The following LMTK3 variants were observed in gnomAD, a reference collection of about 807,000 sequenced individuals.
LMTK3 encodes lemur tail kinase 3, also known as serine/threonine-protein kinase LMTK3.
LMTK3 carries 27 observed loss-of-function variants against 116.7 expected under a neutral mutation model. The observed-to-expected ratio is 0.23, with a 90% CI of 0.17 to 0.32. LMTK3 has a LOEUF of 0.32. Among genes scored for constraint, LMTK3 ranks in the 10% least tolerant of loss-of-function variants. The pLI, the probability that LMTK3 is intolerant of heterozygous loss-of-function variation, is 1.00. For missense variants in LMTK3, 1,764 were observed against 2,068.5 expected (o/e 0.85, Z 2.86); for synonymous variants, 965 against 971.0 (o/e 0.99, Z 0.11).
rs753457988 is a variant in LMTK3, at chr19:48,496,124, G to GTT, written c.3676+1267_3676+1268dup. On this transcript the variant is annotated intron_variant, in intron 11 of 14. Transcript: ENST00000600059. ...TGTTTGTTTTGTTTTGTTTTGTTTT[G>GTT]TTTGAGACAGAGTCTTGCTCTGTCA... Among the ~76,000 whole-genome samples, 61 of 152,126 alleles carry GTT rather than the reference G, an allele frequency of 4.0e-4. 1 individual carries two copies. Among genetic ancestry groups the GTT allele is most frequent in the East Asian group, 2.1e-3 (11 of 5,154 alleles).
intron 7 of LMTK3, among the ~76,000 whole-genome samples, chr19:48,501,879 A>C (rs1601052546): frequency 1.7e-5 from 2 of 115,868 alleles, no homozygotes; most frequent in Non-Finnish European, 3.5e-5. Context: ...TCTCCTCATC[A>C]CGTGACCCTG....
rs760592110 is a variant in LMTK3 at position 48,485,777 on chromosome 19, T to C, written c.4379A>G (p.Asn1460Ser). ...PDARPAGPVE[N>S] ...CGGGGTCGGGTCTTCGGGGAATCAA[T>C]TCTCCACGGGGCCTGAGGATGGACA... The change falls in exon 15 of 15, where the codon AAT becomes AGT. Residue 1460 changes from asparagine to serine, a missense_variant. Physicochemically the swap from Asn to Ser is conservative, Grantham distance 46. Transcript: ENST00000600059. The C allele has an allele frequency of 2.0e-5, 33 of 1,610,500 alleles. No individual in the cohort carries two copies. The Admixed American group carries it at 5.2e-4, about 25-fold the overall frequency.
chr19:48,503,768 C>T (rs1019071836), intron 5 of LMTK3, among the ~76,000 whole-genome samples: 8 of 152,064 alleles, frequency 5.3e-5, no homozygotes, highest in Non-Finnish European at 7.4e-5. Context: ...TGCTTAGGCC[C>T]GGGCCTTTGC....
In LMTK3 at chr19:48,498,531, C is replaced by T. The variant is rs1238519386; in HGVS notation, c.2538G>A (p.Gly846=). 6 of 1,572,456 alleles carry T rather than the reference C, an allele frequency of 3.8e-6. No individual in the cohort carries two copies. The African/African-American group carries it at 6.8e-5, about 18-fold the overall frequency. Residue 846 remains glycine, a synonymous_variant, in exon 11 of 15, where the codon GGG becomes GGA. Transcript: ENST00000600059. ...PPDPGPLPLP[G]PREKPTFVVQ... The stretch of plus-strand genomic sequence containing the variant: ...CCACGAAGGTCGGCTTCTCCCGGGG[C>T]CCCGGGAGTGGGAGCGGACCCGGGT...
Position 48,498,744 on chromosome 19 carries a change from G to A in LMTK3, c.2325C>T (p.Ala775=). 3 of 1,518,108 alleles carry A rather than the reference G, an allele frequency of 2.0e-6. No homozygotes were observed. The highest frequency in any genetic ancestry group is 1.4e-5 in the African/African-American group (1 of 71,278). The allele number at this position is 1,518,108 out of a possible 1,614,324, so 94.0% of individuals were successfully genotyped here. The stretch of plus-strand genomic sequence containing the variant: ...AGAGGCCTGAACCGGGACTGGCCAC[G>A]GCCGAAGGGGGGTCGGGGGACGCGG... ...DPAASPDPPS[A]VASPGSGLSS... Residue 775 remains alanine (A), a synonymous_variant, in exon 11 of 15, where the codon GCC becomes GCT. Coordinates refer to ENST00000600059, the MANE Select transcript of LMTK3 (RefSeq NM_001388485.1).
intron 1 of LMTK3, 89 bp downstream of exon 1, chr19:48,511,412 G>C: frequency 2.0e-6 from 1 of 510,800 alleles, no homozygotes; most frequent in Non-Finnish European, 3.1e-6. Context: ...AGGTGACGGG[G>C]CAGGACCCGC....
chr19:48,504,143 C>T (rs1012256866), intron 5 of LMTK3, among the ~76,000 whole-genome samples: 1 of 152,178 alleles, frequency 6.6e-6, no homozygotes, highest in African/African-American at 2.4e-5. Flanking sequence ...GCTGGGATTA[C>T]AGGCGTGAAC....
chr19:48,485,565 G>A lies in LMTK3; in HGVS notation c.*208C>T. On this transcript the variant is annotated 3_prime_UTR_variant, in exon 15 of 15. Transcript: ENST00000600059. ...TCATTTGGCTCCGAGGGGGTCAGGG[G>A]GGTCAGGGGAGCCATCTGGGGGGCT... is the stretch of plus-strand genomic sequence containing the variant. The A allele has an allele frequency of 1.7e-6, 1 of 578,706 alleles. No individual in the cohort carries two copies. The allele number at this position is 578,706 out of a possible 1,614,324, so 35.8% of individuals were successfully genotyped here. A position where few individuals can be genotyped will look rare whatever the true frequency, so the allele number is the denominator to read the frequency against.
In LMTK3 at chr19:48,510,371, C is replaced by A; in HGVS notation, c.210+88G>T. On this transcript the variant is annotated intron_variant, in intron 2 of 14. Coordinates refer to ENST00000600059, the MANE Select transcript of LMTK3 (RefSeq NM_001388485.1). Reference sequence around the variant, plus strand: ...CTGGAAGGTGCTCTCGGATTTACTGCCCCCTTCTCCCCACCAACCACCTGT... The same window carrying A: ...CTGGAAGGTGCTCTCGGATTTACTGACCCCTTCTCCCCACCAACCACCTGT... 1 of 1,497,978 alleles carries A rather than the reference C, an allele frequency of 6.7e-7. No homozygotes were observed. The highest frequency in any genetic ancestry group is 9.0e-7 in the Non-Finnish European group (1 of 1,116,012). 92.8% of individuals were successfully genotyped at this position (1,497,978 alleles called of 1,614,324 possible).
upstream of LMTK3, among the ~76,000 whole-genome samples, chr19:48,512,368 C>A (rs546588936): frequency 6.6e-6 from 1 of 152,238 alleles, no homozygotes; most frequent in African/African-American, 2.4e-5. Flanking sequence ...CCCACACATG[C>A]CCCGGACAAA....
Position 48,498,212 on chromosome 19 carries a change from C to T in LMTK3, c.2857G>A (p.Glu953Lys), listed in dbSNP as rs761001211. Residue 953 changes from glutamate (E) to lysine (K), a missense_variant, in exon 11 of 15, where the codon GAG becomes AAG. By Grantham distance (56) the Glu-to-Lys change is moderately conservative (BLOSUM62 1). Coordinates refer to ENST00000600059, the MANE Select transcript of LMTK3 (RefSeq NM_001388485.1). ...TTCTCCAGCACTTTCTCTTCTCTCTCGGGGGACCCCAGGGCCCCATTCTCC... is the reference window on the plus strand; with the variant it reads ...TTCTCCAGCACTTTCTCTTCTCTCTTGGGGGACCCCAGGGCCCCATTCTCC... ...AAENGALGSP[E>K]REEKVLENGE... The T allele has an allele frequency of 1.9e-6, 3 of 1,613,450 alleles. No individual in the cohort carries two copies. The highest frequency in any genetic ancestry group is 2.5e-6 in the Non-Finnish European group (3 of 1,179,768).
upstream of LMTK3, chr19:48,513,344 G>C: frequency 1.5e-6 from 1 of 650,734 alleles, no homozygotes; most frequent in Non-Finnish European, 2.8e-6. The surrounding 1 kb of genome is among the most constrained non-coding windows in gnomAD (Gnocchi z 5.6). Context: ...CATGCCCATT[G>C]TACAGATGAG....
chr19:48,511,662 G>T lies in LMTK3; in HGVS notation c.-86C>A, dbSNP rs1177829443. On this transcript the variant is annotated 5_prime_UTR_variant, in exon 1 of 15. Transcript: ENST00000600059. ...CCTCAGCCCCCAGCCATGGGGACCC[G>T]CGCGACCCTGGCCTCCTCCCGGCCC... The T allele has an allele frequency of 3.2e-6, 2 of 616,540 alleles. No homozygotes were observed. The highest frequency in any genetic ancestry group is 5.3e-6 in the Non-Finnish European group (2 of 380,496). 38.2% of individuals were successfully genotyped at this position (616,540 alleles called of 1,614,324 possible).
rs1972276094 is a variant in LMTK3, at chr19:48,493,903, C to CCGG, written c.3880_3882dup (p.Pro1294dup). On this transcript the variant is annotated inframe_insertion, in exon 12 of 15. Coordinates refer to ENST00000600059, the MANE Select transcript of LMTK3 (RefSeq NM_001388485.1). The stretch of plus-strand genomic sequence containing the variant: ...GGGCCCCGCGGCCCCGCCGCCGCGC[C>CCGG]CGGCGCCGCCGCCTCCTCGTCCTCC... 8.7e-6 allele frequency: 9 copies of CCGG among 1,030,458 alleles called. No individual in the cohort carries two copies. In the Admixed American group the frequency reaches 2.3e-4, roughly 26 times the overall value. The allele number at this position is 1,030,458 out of a possible 1,614,324, so 63.8% of individuals were successfully genotyped here.
Position 48,497,376 on chromosome 19 carries a change from C to T in LMTK3, c.3676+17G>A. The T allele has an allele frequency of 6.8e-7, 1 of 1,461,930 alleles. No homozygotes were observed. The highest frequency in any genetic ancestry group is 1.4e-5 in the South Asian group (1 of 69,138). The allele number at this position is 1,461,930 out of a possible 1,614,324, so 90.6% of individuals were successfully genotyped here. ...CAGCCGGACCTCAGCCCTGACTGTG[C>T]CCCGCAGCCTCCTCACCTTTGATCT... On this transcript the variant is annotated intron_variant, in intron 11 of 14. Transcript: ENST00000600059. This position sits in a 1 kb window ranked among gnomAD's most constrained non-coding sequence, Gnocchi z 5.7.
chr19:48,502,650 G>C, intron 6 of LMTK3, 69 bp from the exon 7 acceptor site: 1 of 1,485,822 alleles, frequency 6.7e-7, no homozygotes, highest in Non-Finnish European at 9.0e-7. Flanking sequence ...CCCGGAGGCT[G>C]GAATGGCTTC....
In LMTK3 at chr19:48,499,050, G is replaced by A; in HGVS notation, c.2019C>T (p.Ser673=). Residue 673 remains serine, a synonymous_variant, in exon 11 of 15, where the codon AGC becomes AGT. Coordinates refer to ENST00000600059, the MANE Select transcript of LMTK3 (RefSeq NM_001388485.1). ...GCAGGCAGGAGCAGGCCCCCTCGCG[G>A]CTGCACAGGGGACAGGGTAGGGGAC... The part of the protein sequence containing the change: ...RRGPLPCPLC[S]REGACSCLPL... 1 of 1,515,894 alleles carries A rather than the reference G, an allele frequency of 6.6e-7. No individual in the cohort carries two copies. Among genetic ancestry groups the A allele is most frequent in the Non-Finnish European group, 8.8e-7 (1 of 1,134,950 alleles). 93.9% of individuals were successfully genotyped at this position (1,515,894 alleles called of 1,614,324 possible). A position where few individuals can be genotyped will look rare whatever the true frequency, so the allele number is the denominator to read the frequency against.
rs200616585 is a variant in LMTK3 at position 48,498,422 on chromosome 19, G to A, written c.2647C>T (p.Arg883Trp). 60 of 1,607,206 alleles carry A rather than the reference G, an allele frequency of 3.7e-5. No individual in the cohort carries two copies. The highest frequency in any genetic ancestry group is 5.1e-5 in the Admixed American group (3 of 59,032). ...NLLGEKGATA[R>W]ETGPRKAGRG... ...CCCGCCTTCCTGGGTCCTGTCTCCC[G>A]GGCTGTCGCCCCCTTCTCCCCCAGG... The change falls in exon 11 of 15, where the codon CGG becomes TGG. Residue 883 changes from arginine (R) to tryptophan (W), a missense_variant. This residue lies in a region of LMTK3 where 1,028 missense variants were observed against 1,050.6 expected (regional missense o/e 0.98). Coordinates refer to ENST00000600059, the MANE Select transcript of LMTK3 (RefSeq NM_001388485.1).
chr19:48,503,584 C>T (rs936053654), intron 5 of LMTK3, among the ~76,000 whole-genome samples: 6 of 152,092 alleles, frequency 3.9e-5, no homozygotes, highest in African/African-American at 1.4e-4. Context: ...TCCCAGCCTC[C>T]CTGGCTCTAG....
Sources: allele counts gnomAD v4.1 joint callset (sites outside exome capture counted in the v4.1 genomes callset), GRCh38; gene constraint gnomAD v4.1.1; regional missense constraint gnomAD v4.1.1; non-coding constraint Gnocchi (gnomAD v3.1); transcripts MANE v1.5; gene names NCBI Gene and HGNC (gene_info 2026-07-23, HGNC 2026-07-21).